ERMP1: variants seen among roughly 807,000 people sequenced by gnomAD.
ERMP1 encodes the protein Felix-ina.
ERMP1 carries 86 observed loss-of-function variants against 92.0 expected under a neutral mutation model. That is an observed-to-expected ratio of 0.93 (90% CI 0.79 to 1.12). ERMP1 has a LOEUF of 1.12. ERMP1 is among the 50% of genes most tolerant of loss of function. The pLI is 0.00. For synonymous variants in ERMP1, 530 were observed against 412.8 expected, an observed-to-expected ratio of 1.28 and a Z score of -3.44; for missense variants, 1,342 against 1,116.3, an observed-to-expected ratio of 1.20 and a Z score of -2.88.
chr9:5,807,463 A>T (rs919068264), intron 8 of ERMP1, among the ~76,000 whole-genome samples: 6 of 152,166 alleles, frequency 3.9e-5, no homozygotes, highest in African/African-American at 1.4e-4. Flanking sequence ...AACCCCATTC[A>T]GGCCAGGTGC....
intron 11 of ERMP1, 101 bp from the exon 12 acceptor site, chr9:5,799,109 G>A (rs896538604): frequency 4.0e-6 from 3 of 756,500 alleles, no homozygotes; most frequent in Non-Finnish European, 6.6e-6. Flanking sequence ...GAAATGATGT[G>A]GATATGGAGC....
At chr9:5,827,076 G>A (rs994406642) in intron 2 of ERMP1, among the ~76,000 whole-genome samples, 1 of 152,094 alleles carries the variant, frequency 6.6e-6, no homozygotes, top group African/African-American at 2.4e-5. Flanking sequence ...TTCTACCAAC[G>A]ACCTGGAACC....
At chr9:5,845,192 T>C (rs995103831) in intron 6 of ERMP1, among the ~76,000 whole-genome samples, 1 of 151,856 alleles carries the variant, frequency 6.6e-6, no homozygotes, top group African/African-American at 2.4e-5. Context: ...TTTTTATAAA[T>C]CATTGTTTCT....
intron 13 of ERMP1, among the ~76,000 whole-genome samples, chr9:5,790,417 T>G (rs1828137181): frequency 6.6e-6 from 1 of 151,758 alleles, no homozygotes; most frequent in Non-Finnish European, 1.5e-5. Flanking sequence ...TAAAATACTG[T>G]GACAACTGAG....
intron 4 of ERMP1, among the ~76,000 whole-genome samples, chr9:5,823,190 C>A (rs1829605458): frequency 6.6e-6 from 1 of 152,016 alleles, no homozygotes; most frequent in Non-Finnish European, 1.5e-5. Context: ...GAAACTGAGA[C>A]AGGAGAACCA....
intron 6 of ERMP1, among the ~76,000 whole-genome samples, chr9:5,858,462 C>T (rs989986726): frequency 6.6e-6 from 1 of 152,168 alleles, no homozygotes; most frequent in Admixed American, 6.5e-5. Context: ...TAATAACTTT[C>T]TCAAAGACAG....
Position 5,787,216 on chromosome 9 carries a change from A to C in ERMP1, c.2643T>G (p.Ala881=). ...GEDKRSPQLD[A]LKEKFPDWTF... is the part of the protein sequence containing the mutation. ...TCCAATCTGGGAACTTTTCCTTCAG[A>C]GCATCCAGTTGAGGGGATCTCTTGT... is the stretch of plus-strand genomic sequence containing the variant. The change falls in exon 15 of 15, where the codon GCT becomes GCG. Residue 881 remains alanine (A), a synonymous_variant. Coordinates refer to ENST00000339450, the MANE Select transcript of ERMP1 (RefSeq NM_024896.3). 6.2e-7 allele frequency: 1 copy of C among 1,614,114 alleles called. No homozygotes were observed. The highest frequency in any genetic ancestry group is 8.5e-7 in the Non-Finnish European group (1 of 1,179,988).
At chr9:5,866,620 G>A (rs1430298894) in intron 5 of ERMP1, among the ~76,000 whole-genome samples, 1 of 152,150 alleles carries the variant, frequency 6.6e-6, no homozygotes, top group Non-Finnish European at 1.5e-5. Flanking sequence ...AGAACTGGAG[G>A]CATGGGAAAC....
intron 4 of ERMP1, among the ~76,000 whole-genome samples, chr9:5,818,244 G>C (rs935602844): frequency 6.6e-6 from 1 of 151,940 alleles, no homozygotes; most frequent in South Asian, 2.1e-4. Context: ...AGAGGAATAA[G>C]ACTAGCTAGC....
At chr9:5,851,948 C>A (rs1194921216) in intron 6 of ERMP1, among the ~76,000 whole-genome samples, 1 of 152,036 alleles carries the variant, frequency 6.6e-6, no homozygotes, top group Non-Finnish European at 1.5e-5. Flanking sequence ...ATTAAAAAAT[C>A]TCATTTCTTA....
chr9:5,820,943 A>G (rs1355738873), intron 4 of ERMP1, among the ~76,000 whole-genome samples: 2 of 152,226 alleles, frequency 1.3e-5, no homozygotes, highest in Non-Finnish European at 2.9e-5. Flanking sequence ...GAATGTCAGA[A>G]AGCACCCAGA....
At position 5,856,070 on chromosome 9, in the gene ERMP1, C is replaced by T. The variant is rs1220769919; in HGVS notation, n.3199+3398G>A. The T allele has an allele frequency of 1.0e-5, 4 of 384,448 alleles. 1 individual carries two copies. The highest frequency in any genetic ancestry group is 7.2e-5 in the South Asian group (3 of 41,464). 23.8% of individuals were successfully genotyped at this position (384,448 alleles called of 1,614,324 possible). ...CCTGCTGCAAGGAGGGTGAATCCAA[C>T]GTCGGCTGAGACAATCTTTAAGTGT... On this transcript the variant is annotated intron_variant and non_coding_transcript_variant, in intron 6 of 6. Coordinates refer to the ERMP1 transcript ENST00000690753.
rs1829035168 is a variant in ERMP1, at chr9:5,810,130, G to C, written c.1429C>G (p.Leu477Val). Residue 477 changes from leucine to valine, a missense_variant, in exon 8 of 15, where the codon CTT becomes GTT. Physicochemically the swap from Leu to Val is conservative, Grantham distance 32. Coordinates refer to ENST00000339450, the MANE Select transcript of ERMP1 (RefSeq NM_024896.3). ...TACCATGAGAGAGACTGTCCAATAA[G>C]AGAGATGAACACTGCTATAATGAGA... Reference protein sequence around the residue: ...TVLIIAVFISLIGQSLSWYNH... With the variant: ...TVLIIAVFISVIGQSLSWYNH... 1 of 1,613,916 alleles carries C rather than the reference G, an allele frequency of 6.2e-7. No individual in the cohort carries two copies. Among genetic ancestry groups the C allele is most frequent in the Non-Finnish European group, 8.5e-7 (1 of 1,179,832 alleles).
chr9:5,846,352 C>T (rs1268250981), intron 6 of ERMP1, among the ~76,000 whole-genome samples: 1 of 152,134 alleles, frequency 6.6e-6, no homozygotes, highest in African/African-American at 2.4e-5. Flanking sequence ...CCTAGCTCTG[C>T]TACTAATTTG....
intron 2 of ERMP1, among the ~76,000 whole-genome samples, chr9:5,828,435 A>C (rs7023069): frequency 0.36 from 54,087 of 152,110 alleles, 10,685 homozygotes; most frequent in East Asian, 0.75. Context: ...AGGTTGATCA[A>C]GAAAGACAAC....
At chr9:5,827,914 C>T (rs1332622177) in intron 2 of ERMP1, among the ~76,000 whole-genome samples, 1 of 151,740 alleles carries the variant, frequency 6.6e-6, no homozygotes, top group Non-Finnish European at 1.5e-5. Context: ...GGAGGCAGAG[C>T]TTGCAGTGAG....
At chr9:5,848,312 G>A (rs927363973) in intron 6 of ERMP1, among the ~76,000 whole-genome samples, 6 of 152,160 alleles carry the variant, frequency 3.9e-5, no homozygotes, top group Non-Finnish European at 7.3e-5. Flanking sequence ...TAATGGAGGA[G>A]GTCGGAGTGG....
At chr9:5,826,179 G>C (rs1414942751) in intron 2 of ERMP1, among the ~76,000 whole-genome samples, 1 of 152,152 alleles carries the variant, frequency 6.6e-6, no homozygotes, top group Non-Finnish European at 1.5e-5. Context: ...GTACACTGGG[G>C]TTCATTAAAC....
intron 2 of ERMP1, among the ~76,000 whole-genome samples, chr9:5,829,711 T>A (rs1326193230): frequency 6.6e-6 from 1 of 152,186 alleles, no homozygotes; most frequent in Non-Finnish European, 1.5e-5. Flanking sequence ...GGCCAGGAAA[T>A]CCAGCATCTT....
Sources: allele counts gnomAD v4.1 joint callset (sites outside exome capture counted in the v4.1 genomes callset), GRCh38; gene constraint gnomAD v4.1.1; transcripts MANE v1.5; gene names NCBI Gene and HGNC (gene_info 2026-07-23, HGNC 2026-07-21).